Variants in FSTL5 observed in about 807,000 individuals in gnomAD.
The protein encoded by FSTL5 is follistatin like 5.
FSTL5 carries 62 observed loss-of-function variants against 89.1 expected under a neutral mutation model. The observed-to-expected ratio is 0.70, with a 90% CI of 0.57 to 0.86. The LOEUF (loss-of-function observed/expected upper bound fraction) is 0.86. Ranked by LOEUF, FSTL5 falls within the 40% of genes least tolerant of loss-of-function variation. The pLI, the probability that FSTL5 is intolerant of heterozygous loss-of-function variation, is 0.00. For synonymous variants in FSTL5, 383 were observed against 346.2 expected (o/e 1.11, Z -1.18); for missense variants, 1,057 against 1,001.6 (o/e 1.06, Z -0.75).
At chr4:161,406,721 T>C (rs970512304) in intron 15 of FSTL5, among the ~76,000 whole-genome samples, 40 of 152,230 alleles carry the variant, frequency 2.6e-4, no homozygotes, top group Non-Finnish European at 4.7e-4. Context: ...AAATGTGTTT[T>C]GTCTGGTATT....
intron 8 of FSTL5, among the ~76,000 whole-genome samples, chr4:161,550,941 C>G (rs1221540476): frequency 6.6e-6 from 1 of 151,734 alleles, no homozygotes; most frequent in Non-Finnish European, 1.5e-5. Context: ...GCATAGTATT[C>G]CATGGTGTAT....
chr4:161,573,004 G>A (rs1465470825), intron 8 of FSTL5, among the ~76,000 whole-genome samples: 2 of 152,152 alleles, frequency 1.3e-5, no homozygotes, highest in African/African-American at 4.8e-5. Flanking sequence ...TAGAACGGTG[G>A]CCTAAACAAG....
chr4:161,524,773 C>G (rs1019887580), intron 10 of FSTL5, among the ~76,000 whole-genome samples: 14 of 152,002 alleles, frequency 9.2e-5, no homozygotes, highest in African/African-American at 3.4e-4. Flanking sequence ...TCCTGGCTAA[C>G]ATGGTGAAAC....
intron 8 of FSTL5, among the ~76,000 whole-genome samples, chr4:161,547,878 T>G (rs1732059514): frequency 1.3e-5 from 2 of 151,904 alleles, no homozygotes; most frequent in South Asian, 4.1e-4. Flanking sequence ...GTTTGCATAT[T>G]TGTAAATACC....
At chr4:161,616,878 AC>A (rs1447217245) in intron 7 of FSTL5, among the ~76,000 whole-genome samples, 11 of 151,470 alleles carry the variant, frequency 7.3e-5, no homozygotes, top group African/African-American at 1.9e-4. Flanking sequence ...AAATAAAAAA[AC>A]AAAAAGAAAC....
intron 15 of FSTL5, among the ~76,000 whole-genome samples, chr4:161,434,569 T>G (rs1009299104): frequency 7.9e-5 from 12 of 151,918 alleles, no homozygotes; most frequent in African/African-American, 2.9e-4. Flanking sequence ...AATGAACAAA[T>G]GGGATCACAT....
At chr4:161,540,886 G>T (rs1198727854) in intron 9 of FSTL5, among the ~76,000 whole-genome samples, 1 of 151,908 alleles carries the variant, frequency 6.6e-6, no homozygotes, top group Non-Finnish European at 1.5e-5. Flanking sequence ...TGCCATTGTT[G>T]ACCTCTTTAT....
At chr4:161,807,935 T>C (rs1387138588) in intron 4 of FSTL5, among the ~76,000 whole-genome samples, 2 of 152,064 alleles carry the variant, frequency 1.3e-5, no homozygotes, top group Non-Finnish European at 2.9e-5. Context: ...ATCAGGAAGC[T>C]AATGAACAGA....
chr4:161,725,568 A>G (rs891240432), intron 6 of FSTL5, among the ~76,000 whole-genome samples: 5 of 151,622 alleles, frequency 3.3e-5, no homozygotes, highest in East Asian at 3.9e-4. Context: ...TTGAAAAAAT[A>G]TATTTTCTTC....
At chr4:161,818,454 A>G (rs188215668) in intron 4 of FSTL5, among the ~76,000 whole-genome samples, 41 of 152,302 alleles carry the variant, frequency 2.7e-4, no homozygotes, top group Admixed American at 2.4e-3. Flanking sequence ...GGTCAACACA[A>G]GCCGCCTATG....
chr4:162,100,711 G>A (rs1730962128), intron 2 of FSTL5, among the ~76,000 whole-genome samples: 1 of 152,096 alleles, frequency 6.6e-6, no homozygotes, highest in Non-Finnish European at 1.5e-5. Context: ...GACTATAAAT[G>A]TACCACTCTG....
intron 8 of FSTL5, among the ~76,000 whole-genome samples, chr4:161,544,287 C>T (rs1240688753): frequency 1.3e-5 from 2 of 151,948 alleles, no homozygotes; most frequent in Non-Finnish European, 2.9e-5. Flanking sequence ...AACTCTTGCA[C>T]ATTGCTGGTG....
chr4:161,750,372 G>A (rs560736526), intron 6 of FSTL5, among the ~76,000 whole-genome samples: 4 of 151,998 alleles, frequency 2.6e-5, no homozygotes, highest in Non-Finnish European at 5.9e-5. Flanking sequence ...ATATACACCA[G>A]GTTTCAAAGA....
intron 1 of FSTL5, among the ~76,000 whole-genome samples, chr4:162,118,642 C>T (rs935956826): frequency 8.5e-5 from 13 of 152,094 alleles, no homozygotes; most frequent in African/African-American, 2.7e-4. Flanking sequence ...AATTGGCTGC[C>T]GCCCCGTCAT....
At chr4:161,811,987 AAT>A (rs58341601) in intron 4 of FSTL5, among the ~76,000 whole-genome samples, 19,455 of 152,100 alleles carry the variant, frequency 0.13, 2,330 homozygotes, top group African/African-American at 0.31. Flanking sequence ...GTGTTGAAGT[AAT>A]ACTTGACAAT....
chr4:161,764,804 T>C (rs973850860), intron 5 of FSTL5, among the ~76,000 whole-genome samples: 1 of 152,198 alleles, frequency 6.6e-6, no homozygotes, highest in African/African-American at 2.4e-5. Flanking sequence ...TAAATGCATC[T>C]TGACCATCTA....
chr4:161,492,524 C>G (rs1248540616), intron 12 of FSTL5, among the ~76,000 whole-genome samples: 1 of 152,000 alleles, frequency 6.6e-6, no homozygotes, highest in Non-Finnish European at 1.5e-5. Flanking sequence ...TGCTTTAATT[C>G]TATTGTTTTC....
Position 161,468,334 on chromosome 4 carries a change from C to A in FSTL5, c.1609-9015G>T, listed in dbSNP as rs533388984. ...TGGAGGGCAGCTATAGAAAGTGAGG[C>A]AATAAGGCTGATAAAGGGTGGCATG... is the stretch of plus-strand genomic sequence containing the variant. On this transcript the variant is annotated intron_variant, in intron 13 of 15. Coordinates refer to ENST00000306100, the MANE Select transcript of FSTL5 (RefSeq NM_020116.5). 2.0e-5 allele frequency among the ~76,000 whole-genome samples: 3 copies of A among 151,024 alleles called. No homozygotes were observed. In the South Asian group the frequency reaches 6.3e-4, roughly 32 times the overall value.
At chr4:161,740,550 T>C (rs1454065465) in intron 6 of FSTL5, among the ~76,000 whole-genome samples, 1 of 152,100 alleles carries the variant, frequency 6.6e-6, no homozygotes, top group African/African-American at 2.4e-5. Flanking sequence ...GTGAGAAGCA[T>C]AGTTGAGACA....
Sources: allele counts gnomAD v4.1 joint callset (sites outside exome capture counted in the v4.1 genomes callset), GRCh38; gene constraint gnomAD v4.1.1; transcripts MANE v1.5; gene names NCBI Gene and HGNC (gene_info 2026-07-23, HGNC 2026-07-21).